Variants in C10orf90 observed in about 807,000 individuals in gnomAD.
C10orf90 encodes the protein (E2-independent) E3 ubiquitin-conjugating enzyme FATS.
In C10orf90, 56 loss-of-function variants were observed where a neutral mutation model predicts 62.5. That is an observed-to-expected ratio of 0.90 (90% CI 0.72 to 1.12). The LOEUF (loss-of-function observed/expected upper bound fraction) is 1.12, where lower values mean the gene tolerates loss of function less well. Ranked by LOEUF, C10orf90 falls within the 50% of genes most tolerant of loss-of-function variation. The probability of loss-of-function intolerance (pLI) is 0.00; values close to 1 mark genes in which losing one functional copy is unlikely to be tolerated. For synonymous variants in C10orf90, 386 were observed against 340.4 expected (o/e 1.13, Z -1.47); for missense variants, 970 against 880.4 (o/e 1.10, Z -1.29).
chr10:126,493,779 G>A (rs1306211949), intron 4 of C10orf90, among the ~76,000 whole-genome samples: 2 of 152,248 alleles, frequency 1.3e-5, no homozygotes, highest in East Asian at 1.9e-4. Context: ...GACCTGGAAA[G>A]AAACCAGTTA....
chr10:126,624,353 AAGAG>A (rs1270831924), intron 2 of C10orf90, among the ~76,000 whole-genome samples: 7 of 152,108 alleles, frequency 4.6e-5, no homozygotes, highest in Non-Finnish European at 1.0e-4. Flanking sequence ...CTAAAAAAAA[AAGAG>A]AGAGAGACTC....
intron 3 of C10orf90, among the ~76,000 whole-genome samples, chr10:126,508,165 G>GAGAA (rs144321638): frequency 0.11 from 16,841 of 149,070 alleles, 1,131 homozygotes; most frequent in East Asian, 0.3. Flanking sequence ...GAGTGAGAGA[G>GAGAA]AGAGAGAGAG....
chr10:126,595,816 T>C (rs1187814309), intron 2 of C10orf90, among the ~76,000 whole-genome samples: 1 of 152,140 alleles, frequency 6.6e-6, no homozygotes, highest in Non-Finnish European at 1.5e-5. Context: ...TCCACATCTC[T>C]AGCTCAGTAC....
intron 4 of C10orf90, among the ~76,000 whole-genome samples, chr10:126,490,972 A>G (rs946290922): frequency 6.6e-6 from 1 of 152,198 alleles, no homozygotes; most frequent in African/African-American, 2.4e-5. Flanking sequence ...ATGTAGCAAA[A>G]GCTGCAGGAT....
intron 2 of C10orf90, among the ~76,000 whole-genome samples, chr10:126,623,687 CAA>C (rs1591153141): frequency 6.6e-6 from 1 of 151,810 alleles, no homozygotes; most frequent in East Asian, 1.9e-4. Flanking sequence ...ATTAAAAATA[CAA>C]AATTTAGTCA....
Position 126,627,101 on chromosome 10 carries a change from A to G in C10orf90, c.313+19464T>C, listed in dbSNP as rs114856331. On this transcript the variant is annotated intron_variant, in intron 2 of 9. Transcript: ENST00000488181. The stretch of plus-strand genomic sequence containing the variant: ...TGCAACCTCCGCATCCTGGATTGGA[A>G]TGCTTCTCCTGCCTCAGCCTCCCAG... Among the ~76,000 whole-genome samples the G allele has an allele frequency of 5.4e-3, 803 of 148,092 alleles. 11 individuals carry two copies. The highest frequency in any genetic ancestry group is 0.018 in the African/African-American group (723 of 39,998).
chr10:126,534,851 C>T (rs1864191807), intron 2 of C10orf90, among the ~76,000 whole-genome samples: 1 of 152,158 alleles, frequency 6.6e-6, no homozygotes, highest in South Asian at 2.1e-4. Context: ...GACCTGCGAG[C>T]TCTGCACTCG....
intron 7 of C10orf90, among the ~76,000 whole-genome samples, chr10:126,434,329 C>G (rs1857777290): frequency 6.6e-6 from 1 of 152,180 alleles, no homozygotes; most frequent in South Asian, 2.1e-4. Flanking sequence ...CAAAGATCAC[C>G]CTGCCACCAG....
chr10:126,487,142 C>CAAAAAAAAAAAA (rs1158481155), intron 4 of C10orf90, among the ~76,000 whole-genome samples: 4 of 29,454 alleles, frequency 1.4e-4, no homozygotes, highest in African/African-American at 2.8e-4. Flanking sequence ...AAAACTCTGT[C>CAAAAAAAAAAAA]AAAAAAAAAA....
At chr10:126,576,728 A>ATTATC (rs1564879177) in intron 2 of C10orf90, among the ~76,000 whole-genome samples, 10 of 36,918 alleles carry the variant, frequency 2.7e-4, no homozygotes, top group Admixed American at 1.2e-3. Flanking sequence ...AGATATACAT[A>ATTATC]TATATGTATA....
At chr10:126,506,445 C>T (rs1001417127) in intron 3 of C10orf90, among the ~76,000 whole-genome samples, 5 of 152,240 alleles carry the variant, frequency 3.3e-5, no homozygotes, top group Non-Finnish European at 7.3e-5. Flanking sequence ...TATGTAACCG[C>T]TAAGCTCCCA....
chr10:126,530,687 G>T (rs556209981), intron 2 of C10orf90, among the ~76,000 whole-genome samples: 1 of 152,112 alleles, frequency 6.6e-6, no homozygotes, highest in Non-Finnish European at 1.5e-5. Context: ...AAACCAAACC[G>T]AGCCCAGGCA....
chr10:126,595,631 G>A (rs1214003625), intron 2 of C10orf90, among the ~76,000 whole-genome samples: 1 of 152,126 alleles, frequency 6.6e-6, no homozygotes, highest in Non-Finnish European at 1.5e-5. Flanking sequence ...GGACTCACCT[G>A]CAAAACTACA....
chr10:126,616,123 T>G (rs894855982), intron 2 of C10orf90, among the ~76,000 whole-genome samples: 3 of 152,136 alleles, frequency 2.0e-5, no homozygotes, highest in African/African-American at 7.2e-5. Flanking sequence ...CCCCAGCACT[T>G]CTTGTTGGAG....
chr10:126,588,184 C>A (rs1181039650), intron 2 of C10orf90, among the ~76,000 whole-genome samples: 3 of 152,302 alleles, frequency 2.0e-5, no homozygotes, highest in Non-Finnish European at 4.4e-5. Flanking sequence ...CGGTCGGAAC[C>A]AGAACTCTGA....
chr10:126,473,736 AT>A (rs558362699), intron 4 of C10orf90, among the ~76,000 whole-genome samples: 1 of 152,146 alleles, frequency 6.6e-6, no homozygotes, highest in Non-Finnish European at 1.5e-5. Context: ...ACAAGTCCTA[AT>A]TGATCTATCA....
intron 2 of C10orf90, among the ~76,000 whole-genome samples, chr10:126,538,289 A>G (rs1373447878): frequency 6.6e-6 from 1 of 152,212 alleles, no homozygotes; most frequent in African/African-American, 2.4e-5. Flanking sequence ...ATTACCTCCC[A>G]CAACATGTAG....
Position 126,466,357 on chromosome 10 carries a change from CACACACACACACAA to C in C10orf90, c.1535-1385_1535-1372del, listed in dbSNP as rs1489479113. On this transcript the variant is annotated intron_variant, in intron 4 of 9. Transcript: ENST00000488181. ...TGAAATCCCGTCTCTACTAAAAACA[CACACACACACACAA>C]ACACACACACACACACACACAAAAG... Among the ~76,000 whole-genome samples the C allele has an allele frequency of 3.9e-5, 5 of 129,020 alleles. No individual in the cohort carries two copies. In the East Asian group the frequency reaches 6.9e-4, roughly 18 times the overall value. 84.6% of individuals were successfully genotyped at this position (129,020 alleles called of 152,430 possible).
chr10:126,496,828 C>T (rs531668422), intron 4 of C10orf90: 66 of 536,312 alleles, frequency 1.2e-4, no homozygotes, highest in South Asian at 8.2e-4. Context: ...TCCACCCAGC[C>T]CACAGGTCGA....
Sources: gnomAD v4.1 joint callset for allele counts (sites outside exome capture counted in the v4.1 genomes callset) on GRCh38, gnomAD v4.1.1 for gene constraint, MANE v1.5 for transcripts, NCBI Gene and HGNC (gene_info 2026-07-23, HGNC 2026-07-21) for gene names.